The following BMPR1A variants were observed in gnomAD, a reference collection of about 807,000 sequenced individuals.
BMPR1A encodes bone morphogenetic protein receptor type 1A, also known as bone morphogenetic protein receptor type-1A.
Under a neutral mutation model 66.0 loss-of-function variants are expected in BMPR1A, and 7 were observed. The observed-to-expected ratio is 0.11, with a 90% CI of 0.06 to 0.20. The LOEUF (loss-of-function observed/expected upper bound fraction) is 0.20. Among genes scored for constraint, BMPR1A ranks in the 10% least tolerant of loss-of-function variants. The pLI is 1.00. For missense variants in BMPR1A, 408 were observed against 669.1 expected (o/e 0.61, Z 4.31); for synonymous variants, 200 against 229.7 (o/e 0.87, Z 1.17).
intron 2 of BMPR1A, among the ~76,000 whole-genome samples, chr10:86,856,963 C>T (rs117891633): frequency 6.6e-6 from 1 of 152,260 alleles, no homozygotes; most frequent in Non-Finnish European, 1.5e-5. Context: ...ATACAGGGTA[C>T]TGGGAGGGTT....
intron 1 of BMPR1A, among the ~76,000 whole-genome samples, chr10:86,815,140 G>T (rs935479513): frequency 1.3e-5 from 2 of 152,074 alleles, no homozygotes; most frequent in African/African-American, 4.8e-5. Context: ...ACTTTGCCAT[G>T]GGTCAGTTTT....
intron 2 of BMPR1A, chr10:86,855,948 A>G (rs921332959): frequency 1.6e-5 from 10 of 639,272 alleles, no homozygotes; most frequent in Non-Finnish European, 1.2e-5. Context: ...GCTTTACTGC[A>G]TAACTATTTC....
intron 2 of BMPR1A, among the ~76,000 whole-genome samples, chr10:86,859,050 G>A (rs1201517244): frequency 2.0e-5 from 3 of 152,182 alleles, no homozygotes; most frequent in Admixed American, 6.5e-5. Flanking sequence ...AACTGAAACA[G>A]CATGGTACTA....
chr10:86,857,565 A>G (rs1462528919), intron 2 of BMPR1A, among the ~76,000 whole-genome samples: 1 of 152,136 alleles, frequency 6.6e-6, no homozygotes, highest in East Asian at 1.9e-4. Context: ...ATGTTTCACA[A>G]GGTTGCAGTC....
intron 2 of BMPR1A, among the ~76,000 whole-genome samples, chr10:86,853,054 A>T (rs1842593697): frequency 6.6e-6 from 1 of 152,234 alleles, no homozygotes; most frequent in Admixed American, 6.5e-5. Context: ...AATACTGAGG[A>T]TATAAAAGGA....
chr10:86,923,465 C>T lies in BMPR1A; in HGVS notation c.1432C>T (p.Arg478Cys), dbSNP rs372178531. 3.7e-6 allele frequency: 6 copies of T among 1,614,072 alleles called. No individual in the cohort carries two copies. Among genetic ancestry groups the T allele is most frequent in the African/African-American group, 1.3e-5 (1 of 74,918 alleles). Residue 478 changes from arginine to cysteine, a missense_variant, in exon 12 of 13, where the codon CGT becomes TGT. Physicochemically the swap from Arg to Cys is radical, Grantham distance 180. Transcript: ENST00000372037. ...EDMREVVCVK[R>C]LRPIVSNRWN... The stretch of plus-strand genomic sequence containing the variant: ...TATGCGTGAGGTTGTGTGTGTCAAA[C>T]GTTTGCGGCCAATTGTGTCTAATCG...
At chr10:86,864,911 C>T (rs1005837905) in intron 2 of BMPR1A, among the ~76,000 whole-genome samples, 12 of 152,158 alleles carry the variant, frequency 7.9e-5, no homozygotes, top group East Asian at 5.8e-4. Context: ...TAGGTTCCCA[C>T]GCCGCCCCTA....
intron 1 of BMPR1A, among the ~76,000 whole-genome samples, chr10:86,760,248 CT>C (rs60211336): frequency 0.068 from 1,157 of 17,034 alleles, 56 homozygotes; most frequent in African/African-American, 0.2. Flanking sequence ...TTCTTTCTTT[CT>C]TTTTTTTTTT....
Position 86,888,147 on chromosome 10 carries a change from GC to G in BMPR1A, c.68-1914del, listed in dbSNP as rs987011920. 2.7e-4 allele frequency among the ~76,000 whole-genome samples: 39 copies of G among 144,344 alleles called. 1 individual carries two copies. In the East Asian group the frequency reaches 4.9e-3, roughly 18 times the overall value. 94.7% of individuals were successfully genotyped at this position (144,344 alleles called of 152,430 possible). On this transcript the variant is annotated intron_variant, in intron 3 of 12. Transcript: ENST00000372037. The stretch of plus-strand genomic sequence containing the variant: ...ATATATGTATGTACACAAACTTCCA[GC>G]TTTTTTTTTTTTTTTTTAAGTGTTT...
At chr10:86,899,662 TC>T in intron 5 of BMPR1A, 131 bp from the exon 6 acceptor site, 1 of 909,328 alleles carries the variant, frequency 1.1e-6, no homozygotes. Flanking sequence ...CTTTCAATAA[TC>T]TGTTTTTACA....
chr10:86,769,168 A>C (rs575371483), intron 1 of BMPR1A, among the ~76,000 whole-genome samples: 5 of 152,162 alleles, frequency 3.3e-5, no homozygotes, highest in Non-Finnish European at 5.9e-5. Context: ...TTGATATAGG[A>C]AATTTTGTTG....
intron 3 of BMPR1A, among the ~76,000 whole-genome samples, chr10:86,878,678 G>A (rs556695162): frequency 6.6e-6 from 1 of 152,248 alleles, no homozygotes; most frequent in African/African-American, 2.4e-5. Flanking sequence ...ACGGGGAAAG[G>A]GTCAGCACTG....
chr10:86,834,456 T>TA (rs918997816), intron 1 of BMPR1A, among the ~76,000 whole-genome samples: 11 of 152,358 alleles, frequency 7.2e-5, no homozygotes, highest in South Asian at 6.2e-4. Flanking sequence ...TTGACATAGA[T>TA]ACAAGCTTAA....
chr10:86,783,145 G>A (rs1411106019), intron 1 of BMPR1A, among the ~76,000 whole-genome samples: 1 of 152,142 alleles, frequency 6.6e-6, no homozygotes, highest in Non-Finnish European at 1.5e-5. Context: ...CCATTGCGTA[G>A]TCTTGGCTCA....
rs540774134 is a variant in BMPR1A at position 86,784,448 on chromosome 10, G to A, written c.-268+27529G>A. Among the ~76,000 whole-genome samples the A allele has an allele frequency of 5.9e-5, 9 of 152,204 alleles. No homozygotes were observed. The South Asian group carries it at 1.2e-3, about 21-fold the overall frequency. On this transcript the variant is annotated intron_variant, in intron 1 of 12. Transcript: ENST00000372037. ...GCCATCCTTGCATCCTAGGAATAAG[G>A]CTCCCTCAGTCATCGTGTATGATTT...
intron 3 of BMPR1A, among the ~76,000 whole-genome samples, chr10:86,888,014 A>G (rs889766599): frequency 3.9e-5 from 6 of 152,164 alleles, no homozygotes; most frequent in African/African-American, 1.4e-4. Context: ...TTCTAACATA[A>G]AGGAGGTCTT....
At chr10:86,800,179 C>T (rs886153357) in intron 1 of BMPR1A, among the ~76,000 whole-genome samples, 6 of 152,136 alleles carry the variant, frequency 3.9e-5, no homozygotes, top group African/African-American at 1.2e-4. Context: ...ATTTCTGACT[C>T]ATCTTGAAAA....
intron 1 of BMPR1A, among the ~76,000 whole-genome samples, chr10:86,823,940 T>A (rs1256324854): frequency 6.6e-6 from 1 of 152,218 alleles, no homozygotes; most frequent in Non-Finnish European, 1.5e-5. Context: ...ACATTTGCAG[T>A]ATCATCTGTT....
intron 5 of BMPR1A, among the ~76,000 whole-genome samples, chr10:86,893,351 T>C (rs1241460679): frequency 6.6e-6 from 1 of 152,248 alleles, no homozygotes; most frequent in African/African-American, 2.4e-5. Flanking sequence ...CTCTGGGTTA[T>C]AAACCTGATC....
Sources: gnomAD v4.1 joint callset for allele counts (sites outside exome capture counted in the v4.1 genomes callset) on GRCh38, gnomAD v4.1.1 for gene constraint, MANE v1.5 for transcripts, NCBI Gene and HGNC (gene_info 2026-07-23, HGNC 2026-07-21) for gene names.